TANC1: variants seen among roughly 807,000 people sequenced by gnomAD.
TANC1 encodes the protein tetratricopeptide repeat, ankyrin repeat and coiled-coil containing 1.
Under a neutral mutation model 149.7 loss-of-function variants are expected in TANC1, and 77 were observed. The observed-to-expected ratio is 0.51, with a 90% CI of 0.43 to 0.62. TANC1 has a LOEUF of 0.62. Ranked by LOEUF, TANC1 falls within the 20% of genes least tolerant of loss-of-function variation. TANC1 has a pLI of 0.00. For synonymous variants in TANC1, 854 were observed against 925.0 expected (o/e 0.92, Z 1.39); for missense variants, 1,985 against 2,321.8 (o/e 0.85, Z 2.98).
At chr2:159,092,193 A>C (rs1574603131) in intron 3 of TANC1, among the ~76,000 whole-genome samples, 1 of 152,326 alleles carries the variant, frequency 6.6e-6, no homozygotes, top group South Asian at 2.1e-4. Flanking sequence ...CAGTGGCACA[A>C]TAAATGGAAA....
At chr2:159,133,938 G>C (rs188665212) in intron 4 of TANC1, among the ~76,000 whole-genome samples, 1 of 152,354 alleles carries the variant, frequency 6.6e-6, no homozygotes, top group Admixed American at 6.5e-5. Flanking sequence ...CTAGGAATTG[G>C]ATTATTTTTA....
At chr2:159,059,561 T>C (rs1295200185) in intron 2 of TANC1, among the ~76,000 whole-genome samples, 5 of 152,034 alleles carry the variant, frequency 3.3e-5, no homozygotes, top group Admixed American at 6.6e-5. Flanking sequence ...TCTTTACTTA[T>C]CACAATTATT....
intron 2 of TANC1, among the ~76,000 whole-genome samples, chr2:159,038,586 C>A (rs1456177013): frequency 6.6e-6 from 1 of 151,984 alleles, no homozygotes; most frequent in East Asian, 1.9e-4. Context: ...TGTTGAAGAC[C>A]TTTCTGCATC....
At chr2:159,056,126 T>A in intron 2 of TANC1, 1 of 262,176 alleles carries the variant, frequency 3.8e-6, no homozygotes, top group Non-Finnish European at 8.0e-6. Flanking sequence ...ATGTGGGAAC[T>A]CATCCAGGCA....
At chr2:159,208,693 A>G (rs973851500) in intron 19 of TANC1, among the ~76,000 whole-genome samples, 5 of 152,232 alleles carry the variant, frequency 3.3e-5, no homozygotes, top group Admixed American at 6.5e-5. Flanking sequence ...TGCAGGCCCC[A>G]TCATGGCCAT....
intron 19 of TANC1, among the ~76,000 whole-genome samples, chr2:159,204,790 A>G (rs544400618): frequency 6.6e-6 from 1 of 152,352 alleles, no homozygotes; most frequent in East Asian, 1.9e-4. Context: ...TTTCTAAAGG[A>G]GTTTAGTCAG....
At chr2:159,004,946 A>G (rs1054503604) in intron 2 of TANC1, among the ~76,000 whole-genome samples, 5 of 152,196 alleles carry the variant, frequency 3.3e-5, no homozygotes, top group Non-Finnish European at 7.3e-5. Flanking sequence ...CATTGTTTCT[A>G]TAGATTATAG....
At position 159,137,653 on chromosome 2, in the gene TANC1, T is replaced by A. The variant is rs528462332; in HGVS notation, c.364+1355T>A. ...ACGTGGGCAGGCAGTCTGTTCTCTC[T>A]CTCCTCGGTGTCCTGAAAGGAAAGT... On this transcript the variant is annotated intron_variant, in intron 5 of 26. Transcript: ENST00000263635. Among the ~76,000 whole-genome samples the A allele has an allele frequency of 3.3e-5, 5 of 152,272 alleles. No individual in the cohort carries two copies. The East Asian group carries it at 9.7e-4, about 29-fold the overall frequency.
At chr2:159,217,370 C>T (rs1035058) in intron 19 of TANC1, 127 bp from the exon 20 acceptor site, 154,908 of 1,219,736 alleles carry the variant, frequency 0.13, 17,240 homozygotes, top group East Asian at 0.49. Context: ...ACAGAGCCCC[C>T]GCAGGTTCAA....
At chr2:159,056,535 TC>T (rs1332598675) in intron 2 of TANC1, 1 of 154,274 alleles carries the variant, frequency 6.5e-6, no homozygotes. Flanking sequence ...ATGGTCTTGA[TC>T]CCCTGAACTT....
intron 4 of TANC1, among the ~76,000 whole-genome samples, chr2:159,115,969 A>G (rs1026220961): frequency 2.6e-5 from 4 of 152,122 alleles, no homozygotes; most frequent in African/African-American, 7.2e-5. Context: ...GACTTTGCCT[A>G]TCTTGAACTT....
chr2:159,142,787 G>C (rs961673408), intron 5 of TANC1, among the ~76,000 whole-genome samples: 1 of 151,290 alleles, frequency 6.6e-6, no homozygotes, highest in Admixed American at 6.6e-5. Flanking sequence ...AAAAAGGCCA[G>C]GCACGATGGC....
intron 5 of TANC1, among the ~76,000 whole-genome samples, chr2:159,139,515 G>A (rs376765080): frequency 6.6e-6 from 1 of 152,182 alleles, no homozygotes; most frequent in Non-Finnish European, 1.5e-5. Flanking sequence ...AAAACCTTCA[G>A]ATAAATTAGA....
Position 159,229,602 on chromosome 2 carries a change from C to T in TANC1, c.4176C>T (p.Asp1392=). The change falls in exon 27 of 27, where the codon GAC becomes GAT. Residue 1392 remains aspartate, a synonymous_variant. Transcript: ENST00000263635. ...GGCAATTCGTGGCAGCTCTGGCTGACCTGCAAGAGGCTGTGAAACTCTGTC... is the reference window on the plus strand; with the variant it reads ...GGCAATTCGTGGCAGCTCTGGCTGATCTGCAAGAGGCTGTGAAACTCTGTC... ...NSRQFVAALA[D]LQEAVKLCPT... is the part of the protein sequence containing the mutation. 1 of 1,613,302 alleles carries T rather than the reference C, an allele frequency of 6.2e-7. No homozygotes were observed. The highest frequency in any genetic ancestry group is 8.5e-7 in the Non-Finnish European group (1 of 1,179,792).
chr2:159,131,273 C>G (rs2050062977), intron 4 of TANC1, among the ~76,000 whole-genome samples: 1 of 152,146 alleles, frequency 6.6e-6, no homozygotes, highest in Non-Finnish European at 1.5e-5. Context: ...GAGTTTAGCT[C>G]TTGAATCTCT....
intron 19 of TANC1, among the ~76,000 whole-genome samples, chr2:159,210,131 C>T (rs971318374): frequency 6.6e-6 from 1 of 152,168 alleles, no homozygotes; most frequent in Admixed American, 6.5e-5. Context: ...TGGAGGTACT[C>T]AGTTCCAGTT....
intron 2 of TANC1, among the ~76,000 whole-genome samples, chr2:159,017,729 G>C (rs956039408): frequency 2.1e-4 from 32 of 151,772 alleles, no homozygotes; most frequent in African/African-American, 7.7e-4. Flanking sequence ...AAAGGGGAAG[G>C]AGAGCATTAG....
intron 7 of TANC1, among the ~76,000 whole-genome samples, chr2:159,153,031 A>C (rs1297690140): frequency 6.6e-6 from 1 of 152,080 alleles, no homozygotes; most frequent in African/African-American, 2.4e-5. Flanking sequence ...ATTCCCCTTC[A>C]GTGTATTTGT....
intron 2 of TANC1, among the ~76,000 whole-genome samples, chr2:159,008,616 C>A (rs2037454747): frequency 6.6e-6 from 1 of 152,116 alleles, no homozygotes; most frequent in South Asian, 2.1e-4. Context: ...AGGATTTTTT[C>A]TTGATATGCT....
Sources: gnomAD v4.1 joint callset for allele counts (sites outside exome capture counted in the v4.1 genomes callset) on GRCh38, gnomAD v4.1.1 for gene constraint, MANE v1.5 for transcripts, NCBI Gene and HGNC (gene_info 2026-07-23, HGNC 2026-07-21) for gene names.